Variants in DNAH7 observed in about 807,000 individuals in gnomAD.
DNAH7 encodes dynein axonemal heavy chain 7.
A neutral mutation model predicts 444.6 loss-of-function variants in DNAH7; 397 were observed. The ratio of observed to expected loss-of-function variants is 0.89; its 90% CI spans 0.82 to 0.97. DNAH7 has a LOEUF of 0.97. Among genes scored for constraint, DNAH7 ranks in the 50% least tolerant of loss-of-function variants. The probability of loss-of-function intolerance (pLI) is 0.00; values close to 1 mark genes in which losing one functional copy is unlikely to be tolerated. For synonymous variants in DNAH7, 1,636 were observed against 1,624.4 expected, an observed-to-expected ratio of 1.01 and a Z score of -0.17; for missense variants, 4,902 against 4,800.8, an observed-to-expected ratio of 1.02 and a Z score of -0.62.
intron 5 of DNAH7, among the ~76,000 whole-genome samples, chr2:196,034,593 A>G (rs1696266875): frequency 1.3e-5 from 2 of 152,256 alleles, no homozygotes; most frequent in East Asian, 1.9e-4. Context: ...TTGAAAAAGA[A>G]TAAATTTTGA....
chr2:195,996,697 A>AT (rs1268226484), intron 12 of DNAH7, among the ~76,000 whole-genome samples: 1 of 152,164 alleles, frequency 6.6e-6, no homozygotes, highest in African/African-American at 2.4e-5. Flanking sequence ...AAGTGCTGGG[A>AT]TTACAGGCAT....
intron 63 of DNAH7, among the ~76,000 whole-genome samples, chr2:195,749,166 G>T (rs998283052): frequency 3.9e-5 from 6 of 152,176 alleles, no homozygotes; most frequent in Admixed American, 2.0e-4. Flanking sequence ...CAAAAAGTGC[G>T]TGAAGGACAT....
intron 19 of DNAH7, among the ~76,000 whole-genome samples, chr2:195,955,702 G>A (rs1266947196): frequency 1.3e-5 from 2 of 151,862 alleles, no homozygotes; most frequent in African/African-American, 4.8e-5. Flanking sequence ...TTGGCAATAT[G>A]GAATTTTGAA....
intron 12 of DNAH7, among the ~76,000 whole-genome samples, chr2:195,993,681 GAC>G (rs1249765915): frequency 6.6e-6 from 1 of 152,182 alleles, no homozygotes; most frequent in Non-Finnish European, 1.5e-5. Context: ...CTCCTTCTGG[GAC>G]ACAGAGTCCA....
At chr2:195,932,369 G>A (rs1688756622) in intron 21 of DNAH7, among the ~76,000 whole-genome samples, 2 of 152,290 alleles carry the variant, frequency 1.3e-5, no homozygotes, top group South Asian at 2.1e-4. Context: ...CTGCAGCAGA[G>A]ACAGTTTGAC....
chr2:196,065,361 T>C (rs562062930), intron 1 of DNAH7, among the ~76,000 whole-genome samples: 1 of 152,332 alleles, frequency 6.6e-6, no homozygotes, highest in South Asian at 2.1e-4. Context: ...ATAAATATTT[T>C]AAATGAAAAA....
chr2:196,062,446 C>T (rs955839814), intron 1 of DNAH7, among the ~76,000 whole-genome samples: 1 of 152,208 alleles, frequency 6.6e-6, no homozygotes, highest in East Asian at 1.9e-4. Flanking sequence ...ATTGGATTCA[C>T]TTTAAGTGCA....
In DNAH7 at chr2:195,861,874, G is replaced by A. The variant is rs201765082; in HGVS notation, c.7579C>T (p.Arg2527Ter). ...LEEIEMSEEI[R>*]DGCIDMCKSF... ...TTACACATGTCGATACAGCCATCTC[G>A]TATTTCCTCTGACATTTCAATTTCT... is the stretch of plus-strand genomic sequence containing the variant. Residue 2527 changes from arginine (R) to a stop codon, truncating the protein, a stop_gained, in exon 42 of 65, where the codon CGA (arginine) becomes TGA (stop). Transcript: ENST00000312428. LOFTEE classifies it high-confidence loss of function. The A allele has an allele frequency of 7.8e-5, 126 of 1,613,816 alleles. No individual in the cohort carries two copies. Among genetic ancestry groups the A allele is most frequent in the Non-Finnish European group, 1.0e-4 (121 of 1,179,858 alleles).
At chr2:195,888,725 C>A in intron 32 of DNAH7, 74 bp downstream of exon 32, 1 of 1,448,512 alleles carries the variant, frequency 6.9e-7, no homozygotes, top group Non-Finnish European at 9.3e-7. Flanking sequence ...TGTTTAAAGT[C>A]AAAGGTACTA....
chr2:195,946,168 G>A (rs1209604972), intron 19 of DNAH7, among the ~76,000 whole-genome samples: 1 of 152,200 alleles, frequency 6.6e-6, no homozygotes, highest in African/African-American at 2.4e-5. Flanking sequence ...TACAAACAAA[G>A]TGGGTAGGGA....
At chr2:195,801,725 T>C (rs1054790514) in intron 54 of DNAH7, among the ~76,000 whole-genome samples, 1 of 152,222 alleles carries the variant, frequency 6.6e-6, no homozygotes, top group African/African-American at 2.4e-5. Flanking sequence ...TTCGATTTTA[T>C]AGTCTATGAA....
intron 7 of DNAH7, among the ~76,000 whole-genome samples, chr2:196,026,451 A>G (rs1695693820): frequency 6.6e-6 from 1 of 152,198 alleles, no homozygotes; most frequent in Non-Finnish European, 1.5e-5. Context: ...ACTATCTCCT[A>G]AATGCCTAAT....
chr2:195,835,614 G>A lies in DNAH7; in HGVS notation c.8946-1254C>T, dbSNP rs146877350. 7.9e-5 allele frequency among the ~76,000 whole-genome samples: 12 copies of A among 152,252 alleles called. No individual in the cohort carries two copies. In the East Asian group the frequency reaches 2.3e-3, roughly 29 times the overall value. On this transcript the variant is annotated intron_variant, in intron 47 of 64. Coordinates refer to ENST00000312428, the MANE Select transcript of DNAH7 (RefSeq NM_018897.3). The stretch of plus-strand genomic sequence containing the variant: ...TAATCCCAGCACTTTCGGAGGCCGA[G>A]GTAGGCGGATCATGGGGTCAGGAGA...
intron 19 of DNAH7, among the ~76,000 whole-genome samples, chr2:195,950,117 A>T (rs1690118978): frequency 6.6e-6 from 1 of 152,132 alleles, no homozygotes; most frequent in African/African-American, 2.4e-5. Context: ...CTGGCCTCAT[A>T]AATGGGTTAG....
In DNAH7 at chr2:195,890,074, A is replaced by G. The variant is rs912021599; in HGVS notation, c.5047-1093T>C. Among the ~76,000 whole-genome samples, 3 of 152,192 alleles carry G rather than the reference A, an allele frequency of 2.0e-5. No individual in the cohort carries two copies. The South Asian group carries it at 6.2e-4, about 32-fold the overall frequency. ...ATGATTCCTTGCTTTTCCTTCAGCA[A>G]ATATGATTTCAAGTTGAAGTGGTGA... is the stretch of plus-strand genomic sequence containing the variant. On this transcript the variant is annotated intron_variant, in intron 31 of 64. Transcript: ENST00000312428.
Position 195,817,295 on chromosome 2 carries a change from T to C in DNAH7, c.9426-332A>G, listed in dbSNP as rs376885291. Among the ~76,000 whole-genome samples the C allele has an allele frequency of 1.2e-4, 19 of 152,338 alleles. No homozygotes were observed. The East Asian group carries it at 2.3e-3, about 19-fold the overall frequency. On this transcript the variant is annotated intron_variant, in intron 50 of 64. Coordinates refer to ENST00000312428, the MANE Select transcript of DNAH7 (RefSeq NM_018897.3). ...ATTTTCTGAAATGTTACATGACTTA[T>C]ACAGCTTTACTCTTTCTACCTATGA...
intron 1 of DNAH7, among the ~76,000 whole-genome samples, chr2:196,067,033 T>G (rs1041607217): frequency 6.6e-6 from 1 of 152,246 alleles, no homozygotes; most frequent in Non-Finnish European, 1.5e-5. Context: ...ATGTCCATTC[T>G]TTTAAGATCC....
intron 19 of DNAH7, among the ~76,000 whole-genome samples, chr2:195,946,781 A>G (rs1014406568): frequency 2.0e-5 from 3 of 151,916 alleles, no homozygotes; most frequent in African/African-American, 7.3e-5. Context: ...GAAGCACAGG[A>G]GGAGAGAAGT....
intron 19 of DNAH7, among the ~76,000 whole-genome samples, chr2:195,943,771 C>T (rs191322607): frequency 2.7e-3 from 405 of 152,240 alleles, no homozygotes; most frequent in Non-Finnish European, 5.2e-3. Flanking sequence ...TGCTTTAACT[C>T]TCAAATGTTC....
Sources: gnomAD v4.1 joint callset for allele counts (sites outside exome capture counted in the v4.1 genomes callset) on GRCh38, gnomAD v4.1.1 for gene constraint, MANE v1.5 for transcripts, NCBI Gene and HGNC (gene_info 2026-07-23, HGNC 2026-07-21) for gene names.